SNCAIP: variants seen among roughly 807,000 people sequenced by gnomAD.
SNCAIP encodes synphilin-1.
In SNCAIP, 43 loss-of-function variants were observed where a neutral mutation model predicts 86.7. The ratio of observed to expected loss-of-function variants is 0.50; its 90% CI spans 0.39 to 0.64. SNCAIP has a LOEUF of 0.64. Ranked by LOEUF, SNCAIP falls within the 30% of genes least tolerant of loss-of-function variation. SNCAIP has a pLI of 0.00. For missense variants in SNCAIP, 981 were observed against 1,103.1 expected, an observed-to-expected ratio of 0.89 and a Z score of 1.57; for synonymous variants, 417 against 427.2, an observed-to-expected ratio of 0.98 and a Z score of 0.29.
At chr5:122,377,337 C>A (rs1404938069) in intron 1 of SNCAIP, among the ~76,000 whole-genome samples, 1 of 152,018 alleles carries the variant, frequency 6.6e-6, no homozygotes, top group East Asian at 1.9e-4. Flanking sequence ...TATGTGTATA[C>A]ATTTGTGTTT....
intron 2 of SNCAIP, among the ~76,000 whole-genome samples, chr5:122,399,197 G>A (rs1297287395): frequency 2.0e-5 from 3 of 152,164 alleles, no homozygotes; most frequent in African/African-American, 4.8e-5. Context: ...GAGGAGGGAA[G>A]CTCTGAGGGC....
rs748486796 is a variant in SNCAIP at position 122,451,503 on chromosome 5, C to T, written c.2656C>T (p.Gln886Ter). ...TAATAATAACTACCAGGCAGCCAAC[C>T]AGCTGAAAACCTCTACATTGCCCTT... ...NNNNNYQAANQLKTSTLPLTS... is the reference protein window; with the variant it reads ...NNNNNYQAAN The change falls in exon 10 of 11, where the codon CAG becomes TAG. Residue 886 changes from glutamine to a stop codon, truncating the protein, a stop_gained. Coordinates refer to ENST00000261368, the MANE Select transcript of SNCAIP (RefSeq NM_005460.4). LOFTEE classifies it high-confidence loss of function. The T allele has an allele frequency of 1.2e-6, 2 of 1,613,834 alleles. No homozygotes were observed. Among genetic ancestry groups the T allele is most frequent in the Non-Finnish European group, 1.7e-6 (2 of 1,179,994 alleles).
chr5:122,392,174 G>T (rs1248030801), intron 2 of SNCAIP, among the ~76,000 whole-genome samples: 1 of 151,918 alleles, frequency 6.6e-6, no homozygotes, highest in Non-Finnish European at 1.5e-5. Context: ...AGTAAAATAT[G>T]CATACTGTAC....
intron 3 of SNCAIP, 51 bp downstream of exon 3, chr5:122,403,916 C>A (rs1772397212): frequency 1.4e-6 from 2 of 1,408,068 alleles, no homozygotes; most frequent in South Asian, 1.1e-5. Context: ...GTGTTAATGG[C>A]TCCTGGAAAG....
chr5:122,408,988 C>G (rs1773576917), intron 3 of SNCAIP, among the ~76,000 whole-genome samples: 1 of 152,240 alleles, frequency 6.6e-6, no homozygotes, highest in East Asian at 1.9e-4. Flanking sequence ...CTCCAGACCC[C>G]CTGTGGGTAA....
chr5:122,347,646 G>A (rs1046613184), intron 1 of SNCAIP, among the ~76,000 whole-genome samples: 23 of 151,844 alleles, frequency 1.5e-4, no homozygotes, highest in African/African-American at 4.8e-4. Context: ...CTTTGTCTCC[G>A]TTCTAATTAA....
chr5:122,353,808 T>C (rs932361784), intron 1 of SNCAIP, among the ~76,000 whole-genome samples: 1 of 152,102 alleles, frequency 6.6e-6, no homozygotes. Flanking sequence ...GTCTCGGGTA[T>C]GTCTTTATCA....
chr5:122,451,398 A>G lies in SNCAIP; in HGVS notation c.2551A>G (p.Asn851Asp). The stretch of plus-strand genomic sequence containing the variant: ...GACTCTCCAGCGGACCTCCACAAGT[A>G]ACGAATCGGGGGATCAACTGAAAAG... ...GRTLQRTSTS[N>D]ESGDQLKRPF... Residue 851 changes from asparagine to aspartate, a missense_variant, in exon 10 of 11, where the codon AAC (asparagine) becomes GAC (aspartate). Physicochemically the swap from Asn to Asp is conservative, Grantham distance 23 (BLOSUM62 1). Transcript: ENST00000261368. The G allele has an allele frequency of 6.2e-7, 1 of 1,614,142 alleles. No homozygotes were observed. Among genetic ancestry groups the G allele is most frequent in the African/African-American group, 1.3e-5 (1 of 75,042 alleles).
intron 1 of SNCAIP, among the ~76,000 whole-genome samples, chr5:122,337,191 G>A (rs1756658045): frequency 6.6e-6 from 1 of 152,170 alleles, no homozygotes; most frequent in Non-Finnish European, 1.5e-5. Flanking sequence ...TATTGTGGGT[G>A]CAGAACAATG....
rs1267859524 is a variant in SNCAIP, at chr5:122,423,651, G to A, written c.914G>A (p.Ser305Asn). 1 of 1,612,318 alleles carries A rather than the reference G, an allele frequency of 6.2e-7. No individual in the cohort carries two copies. The highest frequency in any genetic ancestry group is 8.5e-7 in the Non-Finnish European group (1 of 1,179,964). ...EEQVSGLNRT[S>N]SQGPEERSEY... is the part of the protein sequence containing the mutation. ...CAGGTCAGTGGCCTAAACCGGACCA[G>A]CTCCCAAGGCCCAGAAGAAAGGAGT... is the stretch of plus-strand genomic sequence containing the variant. The change falls in exon 4 of 11, where the codon AGC becomes AAC. Residue 305 changes from serine (S) to asparagine (N), a missense_variant. By Grantham distance (46) the Ser-to-Asn change is conservative. Coordinates refer to ENST00000261368, the MANE Select transcript of SNCAIP (RefSeq NM_005460.4).
At chr5:122,330,417 G>A (rs1004785929) in intron 1 of SNCAIP, among the ~76,000 whole-genome samples, 11 of 152,072 alleles carry the variant, frequency 7.2e-5, no homozygotes, top group South Asian at 2.1e-4. Flanking sequence ...CACCGCGCCC[G>A]GCCTCATTTC....
intron 10 of SNCAIP, among the ~76,000 whole-genome samples, chr5:122,461,058 CA>C (rs942729389): frequency 2.0e-5 from 3 of 152,176 alleles, no homozygotes; most frequent in Non-Finnish European, 4.4e-5. Flanking sequence ...GGAAGGTAAA[CA>C]GTTGCTAATT....
At chr5:122,345,730 G>A (rs1758490646) in intron 1 of SNCAIP, among the ~76,000 whole-genome samples, 1 of 152,028 alleles carries the variant, frequency 6.6e-6, no homozygotes, top group Admixed American at 6.6e-5. Flanking sequence ...ACACAGTCAT[G>A]GTTCACTGCA....
chr5:122,320,123 G>C (rs971289496), intron 1 of SNCAIP, among the ~76,000 whole-genome samples: 5 of 152,340 alleles, frequency 3.3e-5, no homozygotes, highest in African/African-American at 9.6e-5. Context: ...TCCAGTGCAA[G>C]AGCAGTCAAG....
At chr5:122,390,530 T>A (rs1262405697) in intron 1 of SNCAIP, among the ~76,000 whole-genome samples, 3 of 152,212 alleles carry the variant, frequency 2.0e-5, no homozygotes, top group African/African-American at 7.2e-5. Flanking sequence ...ACTTAGATCC[T>A]CTTTCTTTCT....
chr5:122,339,539 A>G (rs558776878), intron 1 of SNCAIP, among the ~76,000 whole-genome samples: 10 of 152,226 alleles, frequency 6.6e-5, no homozygotes, highest in Admixed American at 5.9e-4. Flanking sequence ...TTCATTTGGC[A>G]TATTGTCTTT....
chr5:122,404,913 G>C (rs185058262), intron 3 of SNCAIP, among the ~76,000 whole-genome samples: 103 of 152,288 alleles, frequency 6.8e-4, no homozygotes, highest in Non-Finnish European at 1.1e-3. Flanking sequence ...GTGAGTGAAA[G>C]TAATGCTTCA....
chr5:122,428,751 A>AC (rs1248511875), intron 5 of SNCAIP, among the ~76,000 whole-genome samples: 2 of 136,966 alleles, frequency 1.5e-5, no homozygotes, highest in African/African-American at 5.6e-5. Context: ...CCATCCCCCC[A>AC]CCCCACAACA....
At chr5:122,422,320 C>T (rs1226899924) in intron 3 of SNCAIP, among the ~76,000 whole-genome samples, 1 of 152,166 alleles carries the variant, frequency 6.6e-6, no homozygotes, top group Non-Finnish European at 1.5e-5. Flanking sequence ...CACTTAATGG[C>T]ACACCTAGGG....
Sources: allele counts gnomAD v4.1 joint callset (sites outside exome capture counted in the v4.1 genomes callset), GRCh38; gene constraint gnomAD v4.1.1; transcripts MANE v1.5; gene names NCBI Gene and HGNC (gene_info 2026-07-23, HGNC 2026-07-21).